The following SMCHD1 variants were observed in gnomAD, a reference collection of about 807,000 sequenced individuals.
SMCHD1 encodes the protein structural maintenance of chromosomes flexible hinge domain containing 1.
A neutral mutation model predicts 254.7 loss-of-function variants in SMCHD1; 78 were observed. The ratio of observed to expected loss-of-function variants is 0.31; its 90% confidence interval spans 0.26 to 0.37. The LOEUF (loss-of-function observed/expected upper bound fraction) is 0.37, where lower values mean the gene tolerates loss of function less well. SMCHD1 is among the 10% of genes least tolerant of loss of function. The pLI is 1.00. For synonymous variants in SMCHD1, 766 were observed against 794.9 expected (o/e 0.96, Z 0.61); for missense variants, 1,840 against 2,408.1 (o/e 0.76, Z 4.94).
At chr18:2,796,641 C>T in intron 47 of SMCHD1, 120 bp downstream of exon 47, 1 of 709,756 alleles carries the variant, frequency 1.4e-6, no homozygotes, top group Non-Finnish European at 2.4e-6. Context: ...AGTGCAGTGG[C>T]ACAATCTTGG....
chr18:2,686,119 T>C (rs1434622346), intron 5 of SMCHD1, among the ~76,000 whole-genome samples: 1 of 152,208 alleles, frequency 6.6e-6, no homozygotes, highest in Non-Finnish European at 1.5e-5. Context: ...TCTGATAGGC[T>C]CTCTCTCTTC....
At position 2,736,069 on chromosome 18, in the gene SMCHD1, C is replaced by T. The variant is rs147896048; in HGVS notation, c.3277-2328C>T. 8.5e-5 allele frequency among the ~76,000 whole-genome samples: 13 copies of T among 152,214 alleles called. 2 individuals carry two copies. Among genetic ancestry groups the T allele is most frequent in the East Asian group, 1.9e-4 (1 of 5,176 alleles). ...CTGGTACAAAAACAAACACATAGAC[C>T]AGTGGAGGAGGTTAGAGAGCCCAGA... On this transcript the variant is annotated intron_variant, in intron 25 of 47. Transcript: ENST00000320876.
intron 3 of SMCHD1, among the ~76,000 whole-genome samples, chr18:2,668,037 G>A (rs1292791074): frequency 2.6e-5 from 4 of 151,988 alleles, no homozygotes; most frequent in African/African-American, 7.2e-5. Context: ...GCACCACCAC[G>A]CCTGGCTAAT....
At chr18:2,726,383 A>G in intron 21 of SMCHD1, 69 bp from the exon 22 acceptor site, 1 of 794,432 alleles carries the variant, frequency 1.3e-6, no homozygotes, top group Non-Finnish European at 2.0e-6. Flanking sequence ...ATAAATCAGA[A>G]TTGATGTGAT....
intron 17 of SMCHD1, among the ~76,000 whole-genome samples, chr18:2,717,255 C>T (rs2074821829): frequency 6.6e-6 from 1 of 152,204 alleles, no homozygotes; most frequent in South Asian, 2.1e-4. Flanking sequence ...GCTTCAGTTG[C>T]TCTCTTCCCT....
At chr18:2,794,643 G>A (rs563600406) in intron 45 of SMCHD1, among the ~76,000 whole-genome samples, 8 of 152,228 alleles carry the variant, frequency 5.3e-5, no homozygotes, top group Admixed American at 2.6e-4. Flanking sequence ...TCTCAAACCT[G>A]AATAATGTAA....
rs561066366 is a variant in SMCHD1 at position 2,700,413 on chromosome 18, G to A, written c.1343-126G>A. The stretch of plus-strand genomic sequence containing the variant: ...AACCACTTTGTAAACCTACCTTTTT[G>A]TGGGCAAACAGTATAAAACTACCTT... On this transcript the variant is annotated intron_variant, in intron 10 of 47. Transcript: ENST00000320876. 7.4e-5 allele frequency: 75 copies of A among 1,017,566 alleles called. No homozygotes were observed. The African/African-American group carries it at 1.2e-3, about 16-fold the overall frequency. 63.0% of individuals were successfully genotyped at this position (1,017,566 alleles called of 1,614,324 possible).
At chr18:2,672,873 CTTA>C (rs554698405) in intron 3 of SMCHD1, among the ~76,000 whole-genome samples, 199 of 152,316 alleles carry the variant, frequency 1.3e-3, no homozygotes, top group East Asian at 3.5e-3. Flanking sequence ...AAAAAAGACA[CTTA>C]TTATCACTTC....
rs754691826 is a variant in SMCHD1, at chr18:2,703,841, T to C, written c.1797T>C (p.Tyr599=). Residue 599 remains tyrosine, a synonymous_variant, in exon 13 of 48, where the codon TAT becomes TAC. Coordinates refer to ENST00000320876, the MANE Select transcript of SMCHD1 (RefSeq NM_015295.3). The part of the protein sequence containing the change: ...PSKKQGPWAT[Y]AAIEWDGKIY... ...AAAAGCAAGGTCCCTGGGCAACATA[T>C]GCAGCAATAGAATGGGATGGAAAGA... The C allele has an allele frequency of 3.7e-6, 6 of 1,612,400 alleles. No individual in the cohort carries two copies. The African/African-American group carries it at 4.0e-5, about 11-fold the overall frequency.
chr18:2,688,576 C>T lies in SMCHD1; in HGVS notation c.754-52C>T, dbSNP rs146251858. ...TTTTGAAGTTGACTCTGTCTAAATG[C>T]ATTAACCAGTTTATTAGGAATTTAA... On this transcript the variant is annotated intron_variant, in intron 6 of 47. Coordinates refer to ENST00000320876, the MANE Select transcript of SMCHD1 (RefSeq NM_015295.3). The T allele has an allele frequency of 0.022, 34,344 of 1,578,942 alleles. 491 individuals are homozygous for T. The highest frequency in any genetic ancestry group is 0.071 in the Middle Eastern group (421 of 5,930).
chr18:2,706,591 C>T (rs537339790), intron 15 of SMCHD1, 121 bp downstream of exon 15: 259 of 562,246 alleles, frequency 4.6e-4, no homozygotes, highest in Non-Finnish European at 6.0e-4. Flanking sequence ...GATATTGTAC[C>T]TATTGAGATG....
At chr18:2,728,033 T>C (rs573170145) in intron 22 of SMCHD1, among the ~76,000 whole-genome samples, 89 of 152,228 alleles carry the variant, frequency 5.8e-4, no homozygotes, top group African/African-American at 1.9e-3. Flanking sequence ...GACCTGATCA[T>C]GTCATTACAA....
At chr18:2,689,220 C>CTTTTT (rs71159003) in intron 7 of SMCHD1, among the ~76,000 whole-genome samples, 1 of 132,080 alleles carries the variant, frequency 7.6e-6, no homozygotes, top group Non-Finnish European at 1.6e-5. Context: ...GATTTTTTTT[C>CTTTTT]TTTTTTTTTT....
chr18:2,674,463 A>C (rs1414092837), intron 5 of SMCHD1, among the ~76,000 whole-genome samples: 1 of 152,186 alleles, frequency 6.6e-6, no homozygotes, highest in Non-Finnish European at 1.5e-5. Context: ...AATGGGCTTT[A>C]GAAATCGCTT....
chr18:2,730,312 A>G (rs1221890290), intron 24 of SMCHD1, among the ~76,000 whole-genome samples: 5 of 152,134 alleles, frequency 3.3e-5, no homozygotes, highest in Non-Finnish European at 7.4e-5. Context: ...CTGGGACTAC[A>G]GGCACCCGCC....
chr18:2,700,733 A>G lies in SMCHD1; in HGVS notation c.1464-2A>G. ...ACTAACTAACATTTTGTTCTGTTCA[A>G]GCTTTGACTGGTGTACTCCTCCTAA... On this transcript the variant is annotated splice_acceptor_variant, in intron 11 of 47. Transcript: ENST00000320876. LOFTEE classifies it high-confidence loss of function. The G allele has an allele frequency of 6.2e-7, 1 of 1,608,702 alleles. No individual in the cohort carries two copies.
chr18:2,717,387 C>A (rs1386345828), intron 17 of SMCHD1, among the ~76,000 whole-genome samples: 1 of 152,084 alleles, frequency 6.6e-6, no homozygotes. Context: ...TACTCTGTTG[C>A]CCAGACTGGT....
At chr18:2,724,863 A>G (rs1288528943) in intron 20 of SMCHD1, 36 bp from the exon 21 acceptor site, 2 of 1,299,708 alleles carry the variant, frequency 1.5e-6, no homozygotes, top group African/African-American at 1.4e-5. Context: ...CTTGTAGGCA[A>G]TTGAGGGGAG....
At chr18:2,690,003 A>G (rs895196152) in intron 7 of SMCHD1, among the ~76,000 whole-genome samples, 1 of 152,150 alleles carries the variant, frequency 6.6e-6, no homozygotes, top group African/African-American at 2.4e-5. Flanking sequence ...CGATAGAGCA[A>G]GACTGTCTCA....
Sources: allele counts gnomAD v4.1 joint callset (sites outside exome capture counted in the v4.1 genomes callset), GRCh38; gene constraint gnomAD v4.1.1; transcripts MANE v1.5; gene names NCBI Gene and HGNC (gene_info 2026-07-23, HGNC 2026-07-21).